The following CLEC16A variants were observed in gnomAD, a reference collection of about 807,000 sequenced individuals.
The protein encoded by CLEC16A is C-type lectin domain containing 16A.
In CLEC16A, 51 loss-of-function variants were observed where a neutral mutation model predicts 109.5. The observed-to-expected ratio is 0.47, with a 90% CI of 0.37 to 0.59. The LOEUF is 0.59. Among genes scored for constraint, CLEC16A ranks in the 20% least tolerant of loss-of-function variants. The probability of loss-of-function intolerance (pLI) is 0.00; values close to 1 mark genes in which losing one functional copy is unlikely to be tolerated. For missense variants in CLEC16A, 1,339 were observed against 1,394.0 expected (o/e 0.96, Z 0.63); for synonymous variants, 673 against 564.2 (o/e 1.19, Z -2.73).
chr16:11,150,246 AGGAGTTAAGTAT>A, intron 22 of CLEC16A: 1 of 152,218 alleles, frequency 6.6e-6, no homozygotes, highest in African/African-American at 2.4e-5. Context: ...GTTTAGGATA[AGGAGTTAAGTAT>A]GGATCTGTAA....
chr16:10,966,816 A>C lies in CLEC16A; in HGVS notation c.344-2345A>C, dbSNP rs920358617. ...CCCATGATTCAATTATCTCCACCTG[A>C]TCCCTCCCACAACACGTGGGGATTA... On this transcript the variant is annotated intron_variant, in intron 3 of 23. Transcript: ENST00000409790. 3.0e-4 allele frequency among the ~76,000 whole-genome samples: 45 copies of C among 152,144 alleles called. 1 individual carries two copies. Among genetic ancestry groups the C allele is most frequent in the Admixed American group, 2.9e-3 (44 of 15,284 alleles).
chr16:11,116,317 C>T (rs1241588720), intron 19 of CLEC16A, among the ~76,000 whole-genome samples: 2 of 151,932 alleles, frequency 1.3e-5, no homozygotes, highest in African/African-American at 4.8e-5. Context: ...ATCACTTGAA[C>T]CCAGGAGGCA....
intron 19 of CLEC16A, among the ~76,000 whole-genome samples, chr16:11,085,053 T>C (rs550918913): frequency 2.0e-5 from 3 of 152,256 alleles, no homozygotes; most frequent in Middle Eastern, 3.4e-3. Context: ...TTGTCAGGCC[T>C]GGGGGAAGGG....
At chr16:11,126,339 C>G (rs2052818542) in intron 22 of CLEC16A, 193 bp downstream of exon 22, 25 of 1,475,054 alleles carry the variant, frequency 1.7e-5, no homozygotes, top group Non-Finnish European at 2.1e-5. Context: ...TTTGGCTTTC[C>G]CTTTAGTGTT....
At chr16:10,985,595 C>T (rs72770083) in intron 10 of CLEC16A, among the ~76,000 whole-genome samples, 5 of 151,750 alleles carry the variant, frequency 3.3e-5, no homozygotes, top group East Asian at 1.9e-4. Context: ...GGATAGCTGC[C>T]GTGGCTTCAT....
chr16:11,166,575 A>AT, intron 23 of CLEC16A, 23 bp downstream of exon 23: 1 of 1,550,820 alleles, frequency 6.4e-7, no homozygotes, highest in East Asian at 2.4e-5. Flanking sequence ...TGACTCAGTG[A>AT]TATGGGGACA....
intron 11 of CLEC16A, among the ~76,000 whole-genome samples, chr16:11,005,295 G>A (rs912226341): frequency 6.6e-6 from 1 of 152,132 alleles, no homozygotes; most frequent in Non-Finnish European, 1.5e-5. Flanking sequence ...TTAGAGTAGG[G>A]GCTCCTGGAA....
At chr16:10,981,843 C>T (rs528902179) in intron 9 of CLEC16A, among the ~76,000 whole-genome samples, 2 of 152,312 alleles carry the variant, frequency 1.3e-5, no homozygotes. Flanking sequence ...TTTTGCCCCT[C>T]AGGGGATACC....
At chr16:11,165,724 G>A (rs575228233) in intron 22 of CLEC16A, among the ~76,000 whole-genome samples, 1 of 152,264 alleles carries the variant, frequency 6.6e-6, no homozygotes, top group Non-Finnish European at 1.5e-5. Flanking sequence ...AAGATGAGGG[G>A]CTCGTTCATC....
In CLEC16A at chr16:11,042,358, C is replaced by A. The variant is rs766399109; in HGVS notation, c.1765C>A (p.Leu589Met). 6.3e-7 allele frequency: 1 copy of A among 1,578,772 alleles called. No homozygotes were observed. The highest frequency in any genetic ancestry group is 2.3e-5 in the East Asian group (1 of 43,032). The part of the protein sequence containing the change: ...CIMKDVHLAC[L>M]EGAREESVHL... Reference sequence around the variant, plus strand: ...CATGAAGGACGTGCACCTGGCCTGCCTGGAGGTAACGCCCTCTCCGCTCCT... The same window carrying A: ...CATGAAGGACGTGCACCTGGCCTGCATGGAGGTAACGCCCTCTCCGCTCCT... The change falls in exon 15 of 24, where the codon CTG (leucine) becomes ATG (methionine). Residue 589 changes from leucine to methionine, a missense_variant. This residue lies in a region of CLEC16A where 1,061 missense variants were observed against 1,006.8 expected (regional missense o/e 1.05). Transcript: ENST00000409790.
chr16:11,005,670 A>G (rs1378321384), intron 11 of CLEC16A, among the ~76,000 whole-genome samples: 2 of 152,190 alleles, frequency 1.3e-5, no homozygotes, highest in African/African-American at 4.8e-5. Context: ...TTATTTGTAA[A>G]TGTGAAGGTG....
At chr16:10,975,754 C>T (rs1347960497) in intron 7 of CLEC16A, among the ~76,000 whole-genome samples, 1 of 152,038 alleles carries the variant, frequency 6.6e-6, no homozygotes, top group South Asian at 2.1e-4. Flanking sequence ...TCAAGTGATT[C>T]TTGTGCCTCG....
chr16:11,075,820 T>C (rs1297570554), intron 19 of CLEC16A, among the ~76,000 whole-genome samples: 1 of 152,070 alleles, frequency 6.6e-6, no homozygotes, highest in Non-Finnish European at 1.5e-5. Context: ...TATCAGTGTT[T>C]AGCACTGTGC....
chr16:11,064,092 T>C (rs2048636304), intron 19 of CLEC16A, among the ~76,000 whole-genome samples: 1 of 152,222 alleles, frequency 6.6e-6, no homozygotes, highest in African/African-American at 2.4e-5. Flanking sequence ...TTCAACAGTT[T>C]TTACCATTTA....
chr16:10,988,749 A>G (rs1346215897), intron 10 of CLEC16A, among the ~76,000 whole-genome samples: 1 of 152,016 alleles, frequency 6.6e-6, no homozygotes, highest in Non-Finnish European at 1.5e-5. Context: ...TGATTTTACT[A>G]GGTGTTCCCG....
chr16:11,146,679 T>A (rs1181056894), intron 22 of CLEC16A, among the ~76,000 whole-genome samples: 2 of 146,700 alleles, frequency 1.4e-5, no homozygotes, highest in African/African-American at 5.0e-5. Context: ...ATAGATGGAC[T>A]GGCAGATGGG....
At chr16:11,127,969 A>C (rs1013674902) in intron 22 of CLEC16A, among the ~76,000 whole-genome samples, 4 of 152,226 alleles carry the variant, frequency 2.6e-5, no homozygotes, top group African/African-American at 9.6e-5. Flanking sequence ...TTTCAGGGTC[A>C]GGAGGATTCT....
At position 10,954,336 on chromosome 16, in the gene CLEC16A, CGTG is replaced by C. The variant is rs1313821021; in HGVS notation, c.81-3444_81-3442del. On this transcript the variant is annotated intron_variant, in intron 1 of 23. Transcript: ENST00000409790. This position sits in a 1 kb window ranked among gnomAD's most constrained non-coding sequence, Gnocchi z 4.2. ...TGAAGCCCTCGCAGAGAACCAGGCA[CGTG>C]GGGGCTCCTAGAATCTTTTTTTCAG... Among the ~76,000 whole-genome samples the C allele has an allele frequency of 6.6e-6, 1 of 152,156 alleles. No homozygotes were observed. Among genetic ancestry groups the C allele is most frequent in the Non-Finnish European group, 1.5e-5 (1 of 68,016 alleles).
rs59658260 is a variant in CLEC16A at position 10,959,014 on chromosome 16, G to GGTGTGTGTGTGT, written c.209+1131_209+1142dup. On this transcript the variant is annotated intron_variant, in intron 2 of 23. Coordinates refer to ENST00000409790, the MANE Select transcript of CLEC16A (RefSeq NM_015226.3). Reference sequence around the variant, plus strand: ...TGGGTTATGACAACCACTAAACACGGGTGTGTGTGTGTGTGTGTGTGTGTG... The same window carrying GGTGTGTGTGTGT: ...TGGGTTATGACAACCACTAAACACGGGTGTGTGTGTGTGTGTGTGTGTGTGTGTGTGTGTGTG... Among the ~76,000 whole-genome samples the GGTGTGTGTGTGT allele has an allele frequency of 3.4e-3, 502 of 146,286 alleles. 5 individuals carry two copies. Among genetic ancestry groups the GGTGTGTGTGTGT allele is most frequent in the African/African-American group, 6.3e-3 (249 of 39,600 alleles).
Sources: allele counts gnomAD v4.1 joint callset (sites outside exome capture counted in the v4.1 genomes callset), GRCh38; gene constraint gnomAD v4.1.1; regional missense constraint gnomAD v4.1.1; non-coding constraint Gnocchi (gnomAD v3.1); transcripts MANE v1.5; gene names NCBI Gene and HGNC (gene_info 2026-07-23, HGNC 2026-07-21).